The following PITPNC1 variants were observed in gnomAD, a reference collection of about 807,000 sequenced individuals.
PITPNC1 encodes phosphatidylinositol transfer protein cytoplasmic 1, also known as cytoplasmic phosphatidylinositol transfer protein 1.
PITPNC1 carries 18 observed loss-of-function variants against 44.7 expected under a neutral mutation model. That is an observed-to-expected ratio of 0.40 (90% CI 0.28 to 0.60). PITPNC1 has a LOEUF of 0.60. Ranked by LOEUF, PITPNC1 falls within the 20% of genes least tolerant of loss-of-function variation. The pLI, the probability that PITPNC1 is intolerant of heterozygous loss-of-function variation, is 0.39. For missense variants in PITPNC1, 290 were observed against 418.4 expected (o/e 0.69, Z 2.68); for synonymous variants, 141 against 149.6 (o/e 0.94, Z 0.42).
rs10526037 is a variant in PITPNC1, at chr17:67,442,204, CATATATATATATATATATATATATATAT to C, written c.48+64019_48+64046del. Reference sequence around the variant, plus strand: ...TGGAGCTGGATCAGGGGAAAATAAGCATATATATATATATATATATATATATATATATATATATATATATGCATGAAAA... The same window carrying C: ...TGGAGCTGGATCAGGGGAAAATAAGCATATATATATATATATGCATGAAAA... On this transcript the variant is annotated intron_variant, in intron 1 of 8. Transcript: ENST00000581322. Among the ~76,000 whole-genome samples, 42 of 54,246 alleles carry C rather than the reference CATATATATATATATATATATATATATAT, an allele frequency of 7.7e-4. 1 individual carries two copies. In the East Asian group the frequency reaches 0.013, roughly 16 times the overall value. 35.6% of individuals were successfully genotyped at this position (54,246 alleles called of 152,430 possible).
intron 8 of PITPNC1, chr17:67,687,050 TCTTG>T (rs755973110): frequency 6.8e-7 from 1 of 1,469,442 alleles, no homozygotes; most frequent in South Asian, 1.1e-5. Flanking sequence ...GTTGCCAACA[TCTTG>T]ACCTCTTTCA....
At chr17:67,569,141 T>C (rs957197260) in intron 4 of PITPNC1, among the ~76,000 whole-genome samples, 3 of 152,206 alleles carry the variant, frequency 2.0e-5, no homozygotes, top group Non-Finnish European at 4.4e-5. Flanking sequence ...AGAAACTGAC[T>C]ATGAAATCCC....
At chr17:67,526,102 G>A (rs988692871) in intron 1 of PITPNC1, among the ~76,000 whole-genome samples, 1 of 152,190 alleles carries the variant, frequency 6.6e-6, no homozygotes, top group Non-Finnish European at 1.5e-5. Flanking sequence ...TTCACATTGT[G>A]ACGTTTGGAA....
intron 1 of PITPNC1, chr17:67,379,127 C>T (rs2037918555): frequency 2.0e-6 from 2 of 985,912 alleles, no homozygotes; most frequent in African/African-American, 1.7e-5. Flanking sequence ...TGCTGAGCGT[C>T]TCTGTCCAGG....
chr17:67,385,340 G>T (rs1311277986), intron 1 of PITPNC1, among the ~76,000 whole-genome samples: 1 of 152,172 alleles, frequency 6.6e-6, no homozygotes, highest in Non-Finnish European at 1.5e-5. Flanking sequence ...GCTAGCTAGA[G>T]GTTTGTAAAA....
intron 1 of PITPNC1, among the ~76,000 whole-genome samples, chr17:67,419,172 GA>G (rs34975055): frequency 0.48 from 71,243 of 148,336 alleles, 17,251 homozygotes; most frequent in Middle Eastern, 0.57. Context: ...GAGGAAGGGA[GA>G]AAAAAAAAAA....
chr17:67,552,016 G>A (rs1485507548), intron 2 of PITPNC1, among the ~76,000 whole-genome samples: 1 of 152,228 alleles, frequency 6.6e-6, no homozygotes, highest in African/African-American at 2.4e-5. Flanking sequence ...CAGGCTGACA[G>A]TCTGATGGAG....
At chr17:67,575,781 CTTTTCTTTCTTTCCTTCTTTCTTTCT>C (rs2041133404) in intron 4 of PITPNC1, among the ~76,000 whole-genome samples, 1 of 124,828 alleles carries the variant, frequency 8.0e-6, no homozygotes, top group Non-Finnish European at 1.7e-5. Flanking sequence ...TTCTTTCTTT[CTTTTCTTTCTTTCCTTCTTTCTTTCT>C]TTCTTTCTTT....
chr17:67,530,553 C>T (rs931228490), intron 1 of PITPNC1, among the ~76,000 whole-genome samples: 4 of 152,114 alleles, frequency 2.6e-5, no homozygotes, highest in Non-Finnish European at 4.4e-5. Context: ...TGTAAAGACC[C>T]TATCTCCAAA....
chr17:67,559,212 A>G (rs1413602630), intron 4 of PITPNC1, among the ~76,000 whole-genome samples: 4 of 152,174 alleles, frequency 2.6e-5, no homozygotes, highest in Non-Finnish European at 4.4e-5. Flanking sequence ...GGGCAGTACA[A>G]ACCACTGTAT....
At chr17:67,564,137 A>G (rs1159827655) in intron 4 of PITPNC1, among the ~76,000 whole-genome samples, 1 of 147,738 alleles carries the variant, frequency 6.8e-6, no homozygotes, top group Non-Finnish European at 1.5e-5. Flanking sequence ...TTAGATAAAA[A>G]GATAGATTAG....
intron 1 of PITPNC1, among the ~76,000 whole-genome samples, chr17:67,476,773 C>T (rs1489412652): frequency 6.6e-6 from 1 of 152,098 alleles, no homozygotes; most frequent in Non-Finnish European, 1.5e-5. Context: ...GTGTGAGCCA[C>T]TGTGCCTGGC....
At chr17:67,469,903 T>C (rs914865099) in intron 1 of PITPNC1, among the ~76,000 whole-genome samples, 43 of 152,088 alleles carry the variant, frequency 2.8e-4, no homozygotes, top group African/African-American at 1.0e-3. Context: ...ATATAATATA[T>C]ATATGTGTGT....
intron 6 of PITPNC1, among the ~76,000 whole-genome samples, chr17:67,646,237 T>A (rs981538860): frequency 2.0e-5 from 3 of 152,234 alleles, no homozygotes; most frequent in Non-Finnish European, 4.4e-5. Context: ...CAACAATGAC[T>A]ATGATGTTTG....
At chr17:67,556,464 T>C (rs563350973) in intron 4 of PITPNC1, among the ~76,000 whole-genome samples, 1 of 152,320 alleles carries the variant, frequency 6.6e-6, no homozygotes, top group South Asian at 2.1e-4. Context: ...TCATATTTTG[T>C]CTGGCAAATT....
chr17:67,683,873 G>A (rs1394191250), intron 8 of PITPNC1, among the ~76,000 whole-genome samples: 1 of 151,478 alleles, frequency 6.6e-6, no homozygotes, highest in East Asian at 2.0e-4. Context: ...AGCTACTCGG[G>A]AGGCTGAGGC....
chr17:67,391,282 T>G lies in PITPNC1; in HGVS notation c.48+13080T>G, dbSNP rs185854050. 7.2e-5 allele frequency among the ~76,000 whole-genome samples: 11 copies of G among 152,186 alleles called. No homozygotes were observed. The East Asian group carries it at 2.1e-3, about 29-fold the overall frequency. On this transcript the variant is annotated intron_variant, in intron 1 of 8. Coordinates refer to ENST00000581322, the MANE Select transcript of PITPNC1 (RefSeq NM_012417.4). ...AATGTAATTTGATGATACCCTATAA[T>G]AATGTTGTTTAAGTACCTAATCTAA...
intron 1 of PITPNC1, among the ~76,000 whole-genome samples, chr17:67,476,882 C>T (rs1054328923): frequency 6.6e-6 from 1 of 152,122 alleles, no homozygotes; most frequent in Non-Finnish European, 1.5e-5. Context: ...AGGTGTGGTC[C>T]ATGAACCAGT....
intron 1 of PITPNC1, among the ~76,000 whole-genome samples, chr17:67,527,383 CACTT>C (rs1234630629): frequency 6.6e-6 from 1 of 152,208 alleles, no homozygotes; most frequent in Non-Finnish European, 1.5e-5. Flanking sequence ...TGTCAATACT[CACTT>C]GTCTGAATCA....
Sources: allele counts gnomAD v4.1 joint callset (sites outside exome capture counted in the v4.1 genomes callset), GRCh38; gene constraint gnomAD v4.1.1; transcripts MANE v1.5; gene names NCBI Gene and HGNC (gene_info 2026-07-23, HGNC 2026-07-21).